Variants in ANKRD29 observed in about 807,000 individuals in gnomAD.
ANKRD29 encodes the protein ankyrin repeat domain 29, also known as ankyrin repeat domain-containing protein 29.
A neutral mutation model predicts 38.0 loss-of-function variants in ANKRD29; 32 were observed. The ratio of observed to expected loss-of-function variants is 0.84; its 90% CI spans 0.64 to 1.13. The LOEUF is 1.13. Among genes scored for constraint, ANKRD29 ranks in the 50% most tolerant of loss-of-function variants. ANKRD29 has a pLI of 0.00. For synonymous variants in ANKRD29, 135 were observed against 152.4 expected (o/e 0.89, Z 0.84); for missense variants, 357 against 377.9 (o/e 0.94, Z 0.46).
intron 6 of ANKRD29, among the ~76,000 whole-genome samples, chr18:23,624,500 A>AAAAAAAAAAAAAT (rs2059837685): frequency 1.5e-5 from 2 of 135,720 alleles, no homozygotes; most frequent in African/African-American, 5.5e-5. Context: ...AAAAAAAAAA[A>AAAAAAAAAAAAAT]GGTAATAGAA....
intron 6 of ANKRD29, among the ~76,000 whole-genome samples, chr18:23,621,453 G>A (rs907828628): frequency 6.9e-6 from 1 of 145,182 alleles, no homozygotes; most frequent in African/African-American, 2.4e-5. Context: ...ACCTGTCTTG[G>A]GAGAGACAGT....
At chr18:23,641,089 T>C (rs2060068177) in intron 3 of ANKRD29, among the ~76,000 whole-genome samples, 1 of 152,078 alleles carries the variant, frequency 6.6e-6, no homozygotes, top group Admixed American at 6.5e-5. Flanking sequence ...AAAAGCCCCT[T>C]ACTCAAGCTG....
At chr18:23,629,994 A>G (rs1438563758) in intron 5 of ANKRD29, 43 bp from the exon 6 acceptor site, 1 of 1,542,368 alleles carries the variant, frequency 6.5e-7, no homozygotes, top group South Asian at 1.2e-5. Context: ...ATTATCTTTC[A>G]CACTTATTTT....
chr18:23,609,149 A>G, intron 9 of ANKRD29: 1 of 38,042 alleles, frequency 2.6e-5, no homozygotes, highest in African/African-American at 1.3e-4. Context: ...GAAGAGTTTG[A>G]ACTGCCCCGA....
Position 23,649,210 on chromosome 18 carries a change from A to ATGGTCTTAGGAAATTTTAT in ANKRD29, c.22-18_22-17insATAAAATTTCCTAAGACCA. On this transcript the variant is annotated splice_polypyrimidine_tract_variant and intron_variant, in intron 1 of 9. Transcript: ENST00000592179. ...AGTTTCCTTCTGCAAGAACAAAATG[A>ATGGTCTTAGGAAATTTTAT]AACAGGATCTTAAAATTGATGTCAG... 4 of 1,593,534 alleles carry ATGGTCTTAGGAAATTTTAT rather than the reference A, an allele frequency of 2.5e-6. No homozygotes were observed. The highest frequency in any genetic ancestry group is 3.4e-6 in the Non-Finnish European group (4 of 1,164,602).
intron 9 of ANKRD29, among the ~76,000 whole-genome samples, chr18:23,610,508 G>A (rs2059628005): frequency 6.6e-6 from 1 of 151,976 alleles, no homozygotes; most frequent in South Asian, 2.1e-4. Context: ...AAAGTTTGTA[G>A]TTTAGGCCAG....
intron 8 of ANKRD29, among the ~76,000 whole-genome samples, chr18:23,616,604 C>CAG (rs1406556569): frequency 1.5e-5 from 2 of 131,276 alleles, no homozygotes; most frequent in Admixed American, 1.6e-4. Context: ...ACTATATATA[C>CAG]TATATATATA....
chr18:23,618,292 G>A (rs568290639), intron 7 of ANKRD29, among the ~76,000 whole-genome samples: 3 of 152,326 alleles, frequency 2.0e-5, no homozygotes, highest in Admixed American at 6.5e-5. Context: ...GCCCGTGTGT[G>A]GGTAGTGGGG....
At chr18:23,634,273 T>A in intron 4 of ANKRD29, 124 bp from the exon 5 acceptor site, 1 of 569,288 alleles carries the variant, frequency 1.8e-6, no homozygotes, top group Non-Finnish European at 2.9e-6. Context: ...AAACTCACTT[T>A]CCCTGTTTTT....
At chr18:23,603,564 C>G (rs1234989663) in intron 9 of ANKRD29, among the ~76,000 whole-genome samples, 1 of 152,154 alleles carries the variant, frequency 6.6e-6, no homozygotes, top group Non-Finnish European at 1.5e-5. Context: ...ACCTGGGAGG[C>G]GGAGGTTGCA....
intron 2 of ANKRD29, chr18:23,646,595 A>G (rs1253663294): frequency 4.7e-6 from 1 of 214,326 alleles, no homozygotes; most frequent in Non-Finnish European, 9.2e-6. Flanking sequence ...CTCTCATTTT[A>G]TGATTCCTAT....
intron 6 of ANKRD29, among the ~76,000 whole-genome samples, chr18:23,626,210 C>T (rs939428982): frequency 6.6e-6 from 1 of 152,202 alleles, no homozygotes; most frequent in Admixed American, 6.5e-5. Flanking sequence ...GGTCCAGCTA[C>T]TCTGTGTACA....
At chr18:23,611,783 G>A (rs908855931) in intron 9 of ANKRD29, among the ~76,000 whole-genome samples, 2 of 152,020 alleles carry the variant, frequency 1.3e-5, no homozygotes, top group African/African-American at 4.8e-5. Context: ...ACCGGCTTCT[G>A]GGTCAGGGTT....
intron 1 of ANKRD29, 48 bp from the exon 2 acceptor site, chr18:23,649,241 A>G (rs951698854): frequency 1.5e-6 from 2 of 1,364,250 alleles, no homozygotes; most frequent in African/African-American, 2.9e-5. Flanking sequence ...GTCAGTTAAC[A>G]TGACTGCTGC....
intron 3 of ANKRD29, among the ~76,000 whole-genome samples, chr18:23,643,015 G>A (rs1369099984): frequency 6.6e-6 from 1 of 152,112 alleles, no homozygotes; most frequent in Non-Finnish European, 1.5e-5. Context: ...CTTTCCATAA[G>A]GGAACCTGGT....
chr18:23,636,818 C>T (rs967039825), intron 4 of ANKRD29, among the ~76,000 whole-genome samples: 1 of 152,150 alleles, frequency 6.6e-6, no homozygotes, highest in African/African-American at 2.4e-5. Context: ...AAGCGATCTG[C>T]CTGCCTCAGC....
At position 23,599,664 on chromosome 18, in the gene ANKRD29, C is replaced by T. The variant is rs1454876773; in HGVS notation, c.*1562G>A. The T allele has an allele frequency of 1.3e-5, 2 of 152,186 alleles. No individual in the cohort carries two copies. The highest frequency in any genetic ancestry group is 2.9e-5 in the Non-Finnish European group (2 of 68,014). 9.4% of individuals were successfully genotyped at this position (152,186 alleles called of 1,614,324 possible). ...AAATGTTTATATCTGGATGTTTTAG[C>T]AACAGAGAGCTTTCTAATATTTTAT... On this transcript the variant is annotated 3_prime_UTR_variant, in exon 10 of 10. Transcript: ENST00000592179.
chr18:23,618,137 A>G (rs755955199), intron 7 of ANKRD29, among the ~76,000 whole-genome samples: 1 of 152,242 alleles, frequency 6.6e-6, no homozygotes, highest in Non-Finnish European at 1.5e-5. Context: ...TTTTTAGGCC[A>G]TGGTTGGACC....
At chr18:23,633,227 G>A (rs537005841) in intron 5 of ANKRD29, among the ~76,000 whole-genome samples, 12 of 152,284 alleles carry the variant, frequency 7.9e-5, no homozygotes, top group African/African-American at 2.4e-4. Context: ...AAACAGACCC[G>A]CACTAGCAGT....
Sources: allele counts gnomAD v4.1 joint callset (sites outside exome capture counted in the v4.1 genomes callset), GRCh38; gene constraint gnomAD v4.1.1; transcripts MANE v1.5; gene names NCBI Gene and HGNC (gene_info 2026-07-23, HGNC 2026-07-21).